MARCHF8: variants seen among roughly 807,000 people sequenced by gnomAD.
MARCHF8 encodes membrane associated ring-CH-type finger 8.
Under a neutral mutation model 51.6 loss-of-function variants are expected in MARCHF8, and 40 were observed. The ratio of observed to expected loss-of-function variants is 0.77; its 90% CI spans 0.60 to 1.01. The LOEUF (loss-of-function observed/expected upper bound fraction) is 1.01. Among genes scored for constraint, MARCHF8 ranks in the 50% least tolerant of loss-of-function variants. The probability of loss-of-function intolerance (pLI) is 0.00; values close to 1 mark genes in which losing one functional copy is unlikely to be tolerated. For synonymous variants in MARCHF8, 263 were observed against 280.3 expected, an observed-to-expected ratio of 0.94 and a Z score of 0.62; for missense variants, 685 against 708.6, an observed-to-expected ratio of 0.97 and a Z score of 0.38.
intron 2 of MARCHF8, among the ~76,000 whole-genome samples, chr10:45,514,095 G>A (rs573307017): frequency 6.6e-6 from 1 of 152,292 alleles, no homozygotes; most frequent in South Asian, 2.1e-4. Flanking sequence ...TAATCTATAT[G>A]TTTAAATGCT....
rs1453913880 is a variant in MARCHF8, at chr10:45,455,961, G to C, written c.*2278C>G. On this transcript the variant is annotated 3_prime_UTR_variant, in exon 8 of 8. Transcript: ENST00000453424. ...GTGGGGTGCCAGCTACATTGGGTGG[G>C]ATGCCCAGGGGCTGTCCCTACCTAA... is the stretch of plus-strand genomic sequence containing the variant. The C allele has an allele frequency of 6.6e-6, 1 of 152,280 alleles. No individual in the cohort carries two copies. Among genetic ancestry groups the C allele is most frequent in the African/African-American group, 2.4e-5 (1 of 41,464 alleles). 9.4% of individuals were successfully genotyped at this position (152,280 alleles called of 1,614,324 possible).
At chr10:45,475,864 CAA>C (rs1564472452) in intron 3 of MARCHF8, among the ~76,000 whole-genome samples, 24 of 152,176 alleles carry the variant, frequency 1.6e-4, no homozygotes, top group African/African-American at 5.6e-4. Flanking sequence ...CCACTGGGAC[CAA>C]GGACAGGCCA....
chr10:45,489,327 G>T, intron 3 of MARCHF8, 40 bp downstream of exon 3: 3 of 1,470,698 alleles, frequency 2.0e-6, no homozygotes, highest in Non-Finnish European at 2.8e-6. Flanking sequence ...GAACAGAAAA[G>T]ACTCAAGGTA....
intron 1 of MARCHF8, among the ~76,000 whole-genome samples, chr10:45,588,569 A>G (rs566246284): frequency 1.5e-4 from 23 of 152,260 alleles, no homozygotes; most frequent in Non-Finnish European, 2.8e-4. Context: ...CAGAGATTAC[A>G]CATTTTTTCA....
intron 1 of MARCHF8, among the ~76,000 whole-genome samples, chr10:45,564,302 G>T (rs1286010103): frequency 6.6e-6 from 1 of 151,878 alleles, no homozygotes; most frequent in Non-Finnish European, 1.5e-5. Flanking sequence ...GTATAAAACA[G>T]AACCAAATAG....
chr10:45,562,867 G>A (rs1446586004), intron 1 of MARCHF8, among the ~76,000 whole-genome samples: 3 of 151,588 alleles, frequency 2.0e-5, no homozygotes, highest in Non-Finnish European at 4.4e-5. Context: ...GTAAGGGCAT[G>A]AGGAAGGGGA....
At chr10:45,584,116 T>G (rs1375469403) in intron 1 of MARCHF8, among the ~76,000 whole-genome samples, 1 of 119,662 alleles carries the variant, frequency 8.4e-6, no homozygotes, top group Non-Finnish European at 1.7e-5. Context: ...TCTACCAACA[T>G]ATATACAATC....
upstream of MARCHF8, among the ~76,000 whole-genome samples, chr10:45,537,916 T>C (rs1318975120): frequency 6.6e-6 from 1 of 152,154 alleles, no homozygotes; most frequent in Admixed American, 6.5e-5. Context: ...ATTAAAGCCA[T>C]AGAAATAGTA....
intron 5 of MARCHF8, 146 bp downstream of exon 5, chr10:45,463,005 A>T: frequency 2.0e-6 from 2 of 1,016,848 alleles, no homozygotes; most frequent in Non-Finnish European, 2.8e-6. Context: ...CGATATTGAT[A>T]CTCCATTCTT....
chr10:45,561,342 T>G (rs1317789747), intron 1 of MARCHF8, among the ~76,000 whole-genome samples: 1 of 151,296 alleles, frequency 6.6e-6, no homozygotes, highest in Admixed American at 6.6e-5. Flanking sequence ...TGGCATGATC[T>G]CGGCTCACTG....
intron 3 of MARCHF8, among the ~76,000 whole-genome samples, chr10:45,480,833 G>A (rs922390609): frequency 2.2e-4 from 34 of 152,214 alleles, no homozygotes; most frequent in African/African-American, 6.8e-4. Context: ...CCCCCACACA[G>A]AGTCCCCACT....
intron 1 of MARCHF8, among the ~76,000 whole-genome samples, chr10:45,545,839 G>A (rs1982794): frequency 0.24 from 36,603 of 152,026 alleles, 4,565 homozygotes; most frequent in South Asian, 0.37. Flanking sequence ...GGCTCCCCCT[G>A]CCACATCACA....
chr10:45,459,816 G>C (rs184629585), intron 6 of MARCHF8: 1 of 985,442 alleles, frequency 1.0e-6, no homozygotes, highest in African/African-American at 1.7e-5. Flanking sequence ...GACTCTGCTA[G>C]TCCCATCTCC....
intron 1 of MARCHF8, among the ~76,000 whole-genome samples, chr10:45,574,442 G>T (rs1407505365): frequency 1.3e-5 from 2 of 152,026 alleles, no homozygotes; most frequent in South Asian, 4.1e-4. Context: ...CCATTATTCT[G>T]TTCTGGATCT....
At chr10:45,512,429 C>G (rs988544010) in intron 2 of MARCHF8, among the ~76,000 whole-genome samples, 1 of 150,672 alleles carries the variant, frequency 6.6e-6, no homozygotes, top group South Asian at 2.1e-4. Flanking sequence ...CCAGCCACCC[C>G]GTCCGGGAGG....
intron 1 of MARCHF8, chr10:45,553,349 A>C (rs1809576182): frequency 6.6e-6 from 1 of 152,232 alleles, no homozygotes; most frequent in Non-Finnish European, 1.5e-5. Context: ...TTACAAGAAC[A>C]ATAATACAGA....
intron 5 of MARCHF8, chr10:45,461,755 A>G: frequency 5.8e-6 from 1 of 171,154 alleles, no homozygotes; most frequent in South Asian, 2.0e-4. Flanking sequence ...ATGGTAAAAT[A>G]ATTAGAGGGA....
chr10:45,555,785 T>C (rs909412275), intron 1 of MARCHF8, among the ~76,000 whole-genome samples: 1 of 151,520 alleles, frequency 6.6e-6, no homozygotes, highest in Non-Finnish European at 1.5e-5. Context: ...AGAGTATGTG[T>C]TTATAATGAT....
Position 45,459,188 on chromosome 10 carries a change from C to T in MARCHF8, c.1349G>A (p.Cys450Tyr), listed in dbSNP as rs976033587. 1 of 1,614,122 alleles carries T rather than the reference C, an allele frequency of 6.2e-7. No individual in the cohort carries two copies. The highest frequency in any genetic ancestry group is 8.5e-7 in the Non-Finnish European group (1 of 1,180,032). Reference sequence around the variant, plus strand: ...GAGCACATACAAGGACCAGACCACACATGTGATGGCAATGACGTGGAATGT... The same window carrying T: ...GAGCACATACAAGGACCAGACCACATATGTGATGGCAATGACGTGGAATGT... ...SVTFHVIAIT[C>Y]VVWSLYVLID... is the part of the protein sequence containing the mutation. Residue 450 changes from cysteine to tyrosine, a missense_variant, in exon 7 of 8, where the codon TGT becomes TAT. Transcript: ENST00000453424.
Sources: gnomAD v4.1 joint callset for allele counts (sites outside exome capture counted in the v4.1 genomes callset) on GRCh38, gnomAD v4.1.1 for gene constraint, MANE v1.5 for transcripts, NCBI Gene and HGNC (gene_info 2026-07-23, HGNC 2026-07-21) for gene names.